AMBRA1: variants seen among roughly 807,000 people sequenced by gnomAD.
AMBRA1 encodes autophagy and beclin 1 regulator 1, also known as activating molecule in BECN1-regulated autophagy protein 1.
In AMBRA1, 47 loss-of-function variants were observed where a neutral mutation model predicts 125.4. The observed-to-expected ratio is 0.37, with a 90% CI of 0.30 to 0.48. The LOEUF is 0.48. Among genes scored for constraint, AMBRA1 ranks in the 20% least tolerant of loss-of-function variants. AMBRA1 has a pLI of 0.99. For synonymous variants in AMBRA1, 626 were observed against 655.5 expected (o/e 0.95, Z 0.69); for missense variants, 1,331 against 1,693.4 (o/e 0.79, Z 3.76).
At chr11:46,430,808 C>G (rs977880122) in intron 14 of AMBRA1, among the ~76,000 whole-genome samples, 7 of 152,200 alleles carry the variant, frequency 4.6e-5, no homozygotes, top group African/African-American at 1.7e-4. Flanking sequence ...TAGCAAAGCT[C>G]TAGGACAGGC....
At chr11:46,429,359 A>G (rs918972133) in intron 14 of AMBRA1, among the ~76,000 whole-genome samples, 2 of 152,228 alleles carry the variant, frequency 1.3e-5, no homozygotes, top group African/African-American at 4.8e-5. Flanking sequence ...ATGGGAGCCG[A>G]TGGAACTCGA....
intron 11 of AMBRA1, among the ~76,000 whole-genome samples, chr11:46,447,713 T>TAGAC (rs1948365415): frequency 0.014 from 2 of 148 alleles, no homozygotes; most frequent in East Asian, 0.2. Context: ...ATCTTGTAGA[T>TAGAC]AGATAGATAG....
At chr11:46,467,048 G>A (rs1284567292) in intron 11 of AMBRA1, among the ~76,000 whole-genome samples, 1 of 151,568 alleles carries the variant, frequency 6.6e-6, no homozygotes, top group African/African-American at 2.4e-5. Flanking sequence ...CTCCTGAATA[G>A]CTGGGACTAA....
intron 1 of AMBRA1, among the ~76,000 whole-genome samples, chr11:46,582,789 C>T (rs1215743414): frequency 6.6e-6 from 1 of 152,060 alleles, no homozygotes; most frequent in Non-Finnish European, 1.5e-5. Flanking sequence ...TACTACAGTA[C>T]CTGGCACAAA....
intron 13 of AMBRA1, 144 bp from the exon 14 acceptor site, chr11:46,433,772 G>T (rs1264353903): frequency 8.3e-6 from 7 of 845,514 alleles, no homozygotes; most frequent in Non-Finnish European, 1.3e-5. Flanking sequence ...GTAGTGAGGA[G>T]TATGATGAGA....
intron 1 of AMBRA1, among the ~76,000 whole-genome samples, chr11:46,572,586 T>C (rs962361049): frequency 6.6e-6 from 1 of 152,194 alleles, no homozygotes; most frequent in African/African-American, 2.4e-5. Flanking sequence ...TGCCTATCTT[T>C]GATATGGCAG....
rs1006548601 is a variant in AMBRA1 at position 46,552,827 on chromosome 11, T to C, written c.-120-4327A>G. ...AAAGAAATACAATAAATACTAACCA[T>C]GGTTGTCTCTCAGTAGTGGCATTAT... On this transcript the variant is annotated intron_variant, in intron 1 of 17. Transcript: ENST00000683756. Among the ~76,000 whole-genome samples, 4 of 152,146 alleles carry C rather than the reference T, an allele frequency of 2.6e-5. No individual in the cohort carries two copies. In the South Asian group the frequency reaches 6.2e-4, roughly 24 times the overall value.
intron 9 of AMBRA1, among the ~76,000 whole-genome samples, chr11:46,505,278 G>A (rs1224502474): frequency 6.6e-6 from 1 of 152,168 alleles, no homozygotes; most frequent in East Asian, 1.9e-4. Context: ...TTCCTTCTTT[G>A]TTATTCTCCC....
intron 17 of AMBRA1, among the ~76,000 whole-genome samples, chr11:46,404,910 A>G (rs897489116): frequency 2.2e-4 from 33 of 152,152 alleles, no homozygotes; most frequent in Non-Finnish European, 8.8e-5. Flanking sequence ...GAGGTGAAAC[A>G]CCAGCAGACA....
At chr11:46,417,815 T>C (rs779385843) in intron 15 of AMBRA1, 98 bp downstream of exon 15, 4 of 1,397,314 alleles carry the variant, frequency 2.9e-6, no homozygotes, top group South Asian at 1.6e-5. Context: ...TCTAGATGGA[T>C]TGACATTTCC....
At chr11:46,584,929 G>A (rs548380619) in intron 1 of AMBRA1, among the ~76,000 whole-genome samples, 1 of 152,222 alleles carries the variant, frequency 6.6e-6, no homozygotes, top group African/African-American at 2.4e-5. Flanking sequence ...AAAATTAGCT[G>A]GATGAGGTGG....
At chr11:46,478,006 G>T (rs1949894122) in intron 11 of AMBRA1, among the ~76,000 whole-genome samples, 1 of 151,978 alleles carries the variant, frequency 6.6e-6, no homozygotes, top group African/African-American at 2.4e-5. Context: ...AAGAAGCACA[G>T]GTTAGTTTAC....
chr11:46,537,177 C>A (rs561177358), intron 7 of AMBRA1, among the ~76,000 whole-genome samples: 26 of 152,272 alleles, frequency 1.7e-4, no homozygotes, highest in African/African-American at 6.0e-4. Flanking sequence ...ATAATAATTA[C>A]AAATTATCTA....
At chr11:46,540,869 G>C (rs1447863537) in intron 7 of AMBRA1, among the ~76,000 whole-genome samples, 1 of 152,118 alleles carries the variant, frequency 6.6e-6, no homozygotes, top group Non-Finnish European at 1.5e-5. Flanking sequence ...TACTTCTTTT[G>C]TATTTCCCAC....
chr11:46,397,542 G>A lies in AMBRA1; in HGVS notation c.3805C>T (p.His1269Tyr). ...TGGTTGTTATTGGTCAACTCGCAGT[G>A]GAGGGTTGGTCCCTCAGCGCTGGGA... is the stretch of plus-strand genomic sequence containing the variant. ...SLPSAEGPTL[H>Y]CELTNNNHLL... The change falls in exon 18 of 18, where the codon CAC becomes TAC. Residue 1269 changes from histidine (H) to tyrosine (Y), a missense_variant. Transcript: ENST00000683756. The A allele has an allele frequency of 6.4e-7, 1 of 1,555,656 alleles. No homozygotes were observed. Among genetic ancestry groups the A allele is most frequent in the Non-Finnish European group, 8.7e-7 (1 of 1,148,380 alleles).
Position 46,547,830 on chromosome 11 carries a change from A to G in AMBRA1, c.181T>C (p.Phe61Leu). 1 of 1,611,318 alleles carries G rather than the reference A, an allele frequency of 6.2e-7. No individual in the cohort carries two copies. The highest frequency in any genetic ancestry group is 8.5e-7 in the Non-Finnish European group (1 of 1,178,702). ...DSPRSTFLLA[F>L]SPDRTLLAST... The stretch of plus-strand genomic sequence containing the variant: ...AATACTGAGTACCTGTCTGGGCTGA[A>G]GGCCAATAAGAAGGTAGAGCGTGGA... Residue 61 changes from phenylalanine to leucine, a missense_variant, in exon 3 of 18, where the codon TTC becomes CTC. Phe to Leu is a conservative substitution (Grantham distance 22, BLOSUM62 0). This residue lies in a region of AMBRA1 where 144 missense variants were observed against 250.4 expected (regional missense o/e 0.58). Coordinates refer to ENST00000683756, the MANE Select transcript of AMBRA1 (RefSeq NM_001387011.1).
intron 11 of AMBRA1, among the ~76,000 whole-genome samples, chr11:46,466,583 G>A (rs1004997779): frequency 4.6e-5 from 7 of 152,116 alleles, no homozygotes; most frequent in African/African-American, 1.2e-4. Flanking sequence ...GGGAAGCAAA[G>A]GCTTATATAA....
intron 7 of AMBRA1, among the ~76,000 whole-genome samples, chr11:46,528,814 C>G (rs192512446): frequency 1.3e-4 from 20 of 152,018 alleles, no homozygotes; most frequent in Admixed American, 1.3e-3. Flanking sequence ...CATGTGCCAA[C>G]AGAACAAAGA....
intron 14 of AMBRA1, chr11:46,428,834 G>C (rs1947295389): frequency 1.2e-6 from 2 of 1,611,364 alleles, no homozygotes; most frequent in Admixed American, 3.3e-5. Context: ...CAGACCTTTA[G>C]GCCGAGGCCT....
Sources: gnomAD v4.1 joint callset for allele counts (sites outside exome capture counted in the v4.1 genomes callset) on GRCh38, gnomAD v4.1.1 for gene constraint, gnomAD v4.1.1 regional missense constraint, MANE v1.5 for transcripts, NCBI Gene and HGNC (gene_info 2026-07-23, HGNC 2026-07-21) for gene names.